HECW2: variants seen among roughly 807,000 people sequenced by gnomAD.
The protein encoded by HECW2 is E3 ubiquitin-protein ligase HECW2.
HECW2 carries 61 observed loss-of-function variants against 175.2 expected under a neutral mutation model. The observed-to-expected ratio is 0.35, with a 90% CI of 0.28 to 0.43. The LOEUF (loss-of-function observed/expected upper bound fraction) is 0.43, where lower values mean the gene tolerates loss of function less well. Ranked by LOEUF, HECW2 falls within the 20% of genes least tolerant of loss-of-function variation. HECW2 has a pLI of 1.00. For missense variants in HECW2, 1,524 were observed against 2,000.5 expected, an observed-to-expected ratio of 0.76 and a Z score of 4.54; for synonymous variants, 671 against 731.0, an observed-to-expected ratio of 0.92 and a Z score of 1.32.
chr2:196,502,442 A>G (rs1229830835), intron 1 of HECW2, among the ~76,000 whole-genome samples: 1 of 152,238 alleles, frequency 6.6e-6, no homozygotes, highest in Non-Finnish European at 1.5e-5. Context: ...GGACCCCTAA[A>G]TTCTACAAAA....
At chr2:196,421,341 G>A (rs989172324) in intron 2 of HECW2, among the ~76,000 whole-genome samples, 7 of 152,082 alleles carry the variant, frequency 4.6e-5, no homozygotes, top group Non-Finnish European at 7.4e-5. Flanking sequence ...GATAAATCTA[G>A]AGCATGCCAA....
chr2:196,214,352 A>G (rs1305961368), intron 28 of HECW2, among the ~76,000 whole-genome samples: 1 of 152,236 alleles, frequency 6.6e-6, no homozygotes, highest in Non-Finnish European at 1.5e-5. Flanking sequence ...ATATCTGCTT[A>G]CTGTTGCACT....
At chr2:196,379,275 G>C (rs1694135558) in intron 2 of HECW2, among the ~76,000 whole-genome samples, 1 of 152,184 alleles carries the variant, frequency 6.6e-6, no homozygotes, top group South Asian at 2.1e-4. Flanking sequence ...TAAGGAGGCT[G>C]TGATTGGGAG....
chr2:196,293,817 C>T (rs1422970227), intron 13 of HECW2, among the ~76,000 whole-genome samples: 3 of 152,172 alleles, frequency 2.0e-5, no homozygotes, highest in East Asian at 1.9e-4. Context: ...AACTAGTATA[C>T]ACTTAAGGGC....
chr2:196,346,401 A>G (rs1692956101), intron 2 of HECW2, among the ~76,000 whole-genome samples: 1 of 152,206 alleles, frequency 6.6e-6, no homozygotes, highest in Non-Finnish European at 1.5e-5. Context: ...GGTCCCTAGA[A>G]GGGAGCTTGG....
At chr2:196,477,320 T>C (rs185149303) in intron 1 of HECW2, among the ~76,000 whole-genome samples, 2 of 152,212 alleles carry the variant, frequency 1.3e-5, no homozygotes, top group East Asian at 1.9e-4. Flanking sequence ...ATTCATCAAA[T>C]TGCTGCCATT....
intron 1 of HECW2, among the ~76,000 whole-genome samples, chr2:196,543,829 G>A (rs1689310636): frequency 6.6e-6 from 1 of 152,162 alleles, no homozygotes; most frequent in Non-Finnish European, 1.5e-5. Context: ...AGGCAGGCTG[G>A]TCTCGAATTC....
rs1232724571 is a variant in HECW2 at position 196,329,646 on chromosome 2, C to T, written c.500G>A (p.Gly167Glu). Residue 167 changes from glycine to glutamate, a missense_variant, in exon 5 of 29, where the codon GGG (glycine) becomes GAG (glutamate). Physicochemically the swap from Gly to Glu is moderately conservative, Grantham distance 98 (BLOSUM62 -2). This residue lies in a region of HECW2 where 54 missense variants were observed against 46.8 expected (regional missense o/e 1.15). Transcript: ENST00000644978. ...ITVKNPAVMM[G>E]AEGMEGGASG... ...AGCACCTCCCTCCATGCCTTCTGCC[C>T]CCATCTGAAAAGAAAAAACATGCAT... The T allele has an allele frequency of 6.2e-7, 1 of 1,613,264 alleles. No homozygotes were observed. The highest frequency in any genetic ancestry group is 8.5e-7 in the Non-Finnish European group (1 of 1,179,420).
intron 2 of HECW2, among the ~76,000 whole-genome samples, chr2:196,425,478 A>G (rs1035576928): frequency 6.6e-6 from 1 of 152,198 alleles, no homozygotes; most frequent in African/African-American, 2.4e-5. Context: ...ACCATTCTAG[A>G]TGCCATTCAC....
rs903583914 is a variant in HECW2, at chr2:196,194,558, G to C, written c.*6719C>G. The C allele has an allele frequency of 3.3e-5, 5 of 151,780 alleles. No individual in the cohort carries two copies. Among genetic ancestry groups the C allele is most frequent in the Admixed American group, 6.6e-5 (1 of 15,242 alleles). The allele number at this position is 151,780 out of a possible 1,614,324, so 9.4% of individuals were successfully genotyped here. ...GGGTTCAGTTGAGAATAAGAATACA[G>C]ACTTCCCAGAAAATAAACAACTAGT... On this transcript the variant is annotated 3_prime_UTR_variant, in exon 29 of 29. Transcript: ENST00000644978.
At chr2:196,575,665 C>T (rs1251418534) in intron 1 of HECW2, among the ~76,000 whole-genome samples, 1 of 152,132 alleles carries the variant, frequency 6.6e-6, no homozygotes, top group Non-Finnish European at 1.5e-5. Flanking sequence ...TAAAGGAATA[C>T]ATAAGACTGG....
chr2:196,292,120 A>G (rs1228608759), intron 14 of HECW2: 1 of 155,352 alleles, frequency 6.4e-6, no homozygotes, highest in African/African-American at 2.4e-5. Flanking sequence ...ACTGAAGCCC[A>G]AGCCCAGACA....
rs540625430 is a variant in HECW2 at position 196,243,972 on chromosome 2, T to C, written c.3530-1768A>G. Among the ~76,000 whole-genome samples the C allele has an allele frequency of 2.6e-5, 4 of 152,252 alleles. No homozygotes were observed. The East Asian group carries it at 7.7e-4, about 29-fold the overall frequency. ...AGAAAACTGATGATGAATATGGAAA[T>C]CAGACACAGAGCCATGACAAAAACA... is the stretch of plus-strand genomic sequence containing the variant. On this transcript the variant is annotated intron_variant, in intron 19 of 28. Coordinates refer to ENST00000644978, the MANE Select transcript of HECW2 (RefSeq NM_001348768.2).
At position 196,325,729 on chromosome 2, in the gene HECW2, A is replaced by G. The variant is rs570172032; in HGVS notation, c.572-580T>C. Among the ~76,000 whole-genome samples, 3 of 152,380 alleles carry G rather than the reference A, an allele frequency of 2.0e-5. No homozygotes were observed. The East Asian group carries it at 5.8e-4, about 29-fold the overall frequency. ...TACCACAAAATGTCATATATATTCC[A>G]TAAATGTGATGAATGTTAGGGGAAA... On this transcript the variant is annotated intron_variant, in intron 5 of 28. Transcript: ENST00000644978.
At chr2:196,488,639 C>G (rs576458793) in intron 1 of HECW2, among the ~76,000 whole-genome samples, 2 of 136,328 alleles carry the variant, frequency 1.5e-5, no homozygotes, top group Non-Finnish European at 3.0e-5. Context: ...TACACACACA[C>G]ACACACACAC....
At chr2:196,394,002 A>G (rs1431249711) in intron 2 of HECW2, among the ~76,000 whole-genome samples, 1 of 152,210 alleles carries the variant, frequency 6.6e-6, no homozygotes, top group African/African-American at 2.4e-5. Flanking sequence ...TGTCCTTTGT[A>G]GGGACATGGA....
chr2:196,288,751 C>A (rs750420599), intron 14 of HECW2: 5 of 152,202 alleles, frequency 3.3e-5, no homozygotes, highest in Non-Finnish European at 5.9e-5. Context: ...ATAATACCTA[C>A]CTTATAAATT....
rs1037963941 is a variant in HECW2 at position 196,566,168 on chromosome 2, C to G, written c.-36+27340G>C. Among the ~76,000 whole-genome samples, 5 of 151,822 alleles carry G rather than the reference C, an allele frequency of 3.3e-5. No individual in the cohort carries two copies. The East Asian group carries it at 9.7e-4, about 29-fold the overall frequency. ...AATTTTTGCAAGGGAAATTAAATTA[C>G]TCTAATGGACTACTTACCTCAAAAC... On this transcript the variant is annotated intron_variant, in intron 1 of 28. Transcript: ENST00000644978.
chr2:196,507,499 CA>C (rs929102409), intron 1 of HECW2, among the ~76,000 whole-genome samples: 24 of 152,280 alleles, frequency 1.6e-4, no homozygotes, highest in African/African-American at 5.8e-4. Context: ...AGTTAGAGGC[CA>C]GGGGTGCTGC....
Sources: gnomAD v4.1 joint callset for allele counts (sites outside exome capture counted in the v4.1 genomes callset) on GRCh38, gnomAD v4.1.1 for gene constraint, gnomAD v4.1.1 regional missense constraint, MANE v1.5 for transcripts, NCBI Gene and HGNC (gene_info 2026-07-23, HGNC 2026-07-21) for gene names.